The following DCC variants were observed in gnomAD, a reference collection of about 807,000 sequenced individuals.
DCC encodes netrin receptor DCC.
In DCC, 58 loss-of-function variants were observed where a neutral mutation model predicts 172.5. The ratio of observed to expected loss-of-function variants is 0.34; its 90% CI spans 0.27 to 0.42. The LOEUF (loss-of-function observed/expected upper bound fraction) is 0.42. Among genes scored for constraint, DCC ranks in the 10% least tolerant of loss-of-function variants. The pLI, the probability that DCC is intolerant of heterozygous loss-of-function variation, is 1.00. For missense variants in DCC, 1,740 were observed against 1,791.0 expected, an observed-to-expected ratio of 0.97 and a Z score of 0.51; for synonymous variants, 709 against 644.5, an observed-to-expected ratio of 1.10 and a Z score of -1.52.
intron 15 of DCC, among the ~76,000 whole-genome samples, chr18:53,363,167 G>C (rs1504743): frequency 0.37 from 55,556 of 151,928 alleles, 10,556 homozygotes; most frequent in Middle Eastern, 0.45. Context: ...TTACCCACTG[G>C]GCTGTGTTAC....
chr18:52,563,106 T>C (rs1042314017), intron 1 of DCC, among the ~76,000 whole-genome samples: 3 of 152,146 alleles, frequency 2.0e-5, no homozygotes, highest in Non-Finnish European at 4.4e-5. Flanking sequence ...GAAGTGGCAA[T>C]TTTCATCACA....
rs1354399034 is a variant in DCC at position 53,530,895 on chromosome 18, T to G, written c.*242T>G. On this transcript the variant is annotated 3_prime_UTR_variant, in exon 29 of 29. Transcript: ENST00000442544. The stretch of plus-strand genomic sequence containing the variant: ...AACAAAAGCAAAGATGCATTTTCAC[T>G]GCAATGTCAAAGTTTAAGCTGCTAG... 1 of 592,608 alleles carries G rather than the reference T, an allele frequency of 1.7e-6. No individual in the cohort carries two copies. Among genetic ancestry groups the G allele is most frequent in the African/African-American group, 1.8e-5 (1 of 54,088 alleles). 36.7% of individuals were successfully genotyped at this position (592,608 alleles called of 1,614,324 possible).
chr18:53,030,815 T>C (rs2042016252), intron 5 of DCC, among the ~76,000 whole-genome samples: 1 of 152,218 alleles, frequency 6.6e-6, no homozygotes, highest in South Asian at 2.1e-4. Context: ...TTGAAATGCA[T>C]TCTTAGGAGA....
intron 5 of DCC, among the ~76,000 whole-genome samples, chr18:53,059,395 G>A (rs1459364887): frequency 1.3e-5 from 2 of 151,996 alleles, no homozygotes; most frequent in African/African-American, 4.8e-5. Context: ...TGAGCCATGG[G>A]GTATATGTAA....
chr18:52,484,616 T>C (rs898937643), intron 1 of DCC, among the ~76,000 whole-genome samples: 1 of 152,028 alleles, frequency 6.6e-6, no homozygotes, highest in Non-Finnish European at 1.5e-5. Context: ...CTGTAAGATA[T>C]AAGGAGTTGT....
At chr18:52,988,165 T>C (rs1180048674) in intron 5 of DCC, among the ~76,000 whole-genome samples, 3 of 152,192 alleles carry the variant, frequency 2.0e-5, no homozygotes, top group Admixed American at 6.5e-5. Flanking sequence ...AATCTGAATA[T>C]TGTGTGTTTA....
At chr18:52,649,828 T>C (rs184395604) in intron 1 of DCC, among the ~76,000 whole-genome samples, 169 of 152,360 alleles carry the variant, frequency 1.1e-3, no homozygotes, top group African/African-American at 3.9e-3. Context: ...CATTCACTGA[T>C]GGGCACTTAG....
At chr18:52,529,754 G>C (rs1266852546) in intron 1 of DCC, among the ~76,000 whole-genome samples, 5 of 152,290 alleles carry the variant, frequency 3.3e-5, no homozygotes, top group African/African-American at 1.2e-4. Context: ...TATAAGTCCT[G>C]CCCTTGAAGA....
chr18:53,469,979 G>C (rs2045675553), intron 25 of DCC, among the ~76,000 whole-genome samples: 1 of 151,874 alleles, frequency 6.6e-6, no homozygotes, highest in Non-Finnish European at 1.5e-5. Context: ...CTTTCTCTTT[G>C]GCTTGCAATG....
chr18:52,493,775 C>T (rs2144609958), intron 1 of DCC, among the ~76,000 whole-genome samples: 1 of 152,142 alleles, frequency 6.6e-6, no homozygotes, highest in Middle Eastern at 3.4e-3. Flanking sequence ...ATTACAATCA[C>T]ATTGAAATTA....
chr18:53,487,956 A>G (rs530242481), intron 26 of DCC, among the ~76,000 whole-genome samples: 103 of 152,374 alleles, frequency 6.8e-4, no homozygotes, highest in African/African-American at 2.2e-3. Context: ...TGGAATTCCA[A>G]TCAAAGAATT....
At chr18:52,475,379 A>G (rs934900009) in intron 1 of DCC, among the ~76,000 whole-genome samples, 3 of 152,184 alleles carry the variant, frequency 2.0e-5, no homozygotes, top group Admixed American at 6.6e-5. Context: ...TGGATAATAA[A>G]TAATACCATT....
intron 1 of DCC, among the ~76,000 whole-genome samples, chr18:52,497,307 A>ATGTG (rs2030822072): frequency 1.4e-5 from 1 of 71,246 alleles, no homozygotes; most frequent in Non-Finnish European, 3.1e-5. Context: ...ATATATATAT[A>ATGTG]TATATATACA....
intron 5 of DCC, among the ~76,000 whole-genome samples, chr18:53,001,604 G>A (rs2041565191): frequency 1.3e-5 from 2 of 152,014 alleles, no homozygotes; most frequent in African/African-American, 2.4e-5. Flanking sequence ...ACAAGAGACT[G>A]TTTCCTGTTT....
At chr18:52,441,824 C>G (rs561151553) in intron 1 of DCC, among the ~76,000 whole-genome samples, 1 of 152,310 alleles carries the variant, frequency 6.6e-6, no homozygotes, top group South Asian at 2.1e-4. Flanking sequence ...ACAAGATTAG[C>G]AAATCATCCA....
chr18:52,603,062 G>A (rs886813384), intron 1 of DCC, among the ~76,000 whole-genome samples: 2 of 152,080 alleles, frequency 1.3e-5, no homozygotes, highest in Non-Finnish European at 2.9e-5. Context: ...TTTTGAACAT[G>A]TAGCTCACAG....
chr18:53,078,391 T>A (rs1191790805), intron 7 of DCC, among the ~76,000 whole-genome samples: 1 of 152,126 alleles, frequency 6.6e-6, no homozygotes, highest in Admixed American at 6.6e-5. Context: ...AAAGAAACAT[T>A]AAGTCTTTAA....
chr18:52,701,689 A>C (rs545505248), intron 1 of DCC, among the ~76,000 whole-genome samples: 1 of 137,744 alleles, frequency 7.3e-6, no homozygotes, highest in East Asian at 2.1e-4. Context: ...CATGAGGCAC[A>C]GAATTCTTGT....
At chr18:53,261,347 C>T (rs911550217) in intron 12 of DCC, among the ~76,000 whole-genome samples, 39 of 152,208 alleles carry the variant, frequency 2.6e-4, no homozygotes, top group Admixed American at 3.3e-4. Flanking sequence ...CTTGGCTCCA[C>T]ACCCTCGTGA....
Sources: gnomAD v4.1 joint callset for allele counts (sites outside exome capture counted in the v4.1 genomes callset) on GRCh38, gnomAD v4.1.1 for gene constraint, MANE v1.5 for transcripts, NCBI Gene and HGNC (gene_info 2026-07-23, HGNC 2026-07-21) for gene names.